The following TCP1 variants were observed in gnomAD, a reference collection of about 807,000 sequenced individuals.
TCP1 encodes the protein t-complex 1.
TCP1 carries 6 observed loss-of-function variants against 54.7 expected under a neutral mutation model. The observed-to-expected ratio is 0.11, with a 90% confidence interval of 0.06 to 0.22. The LOEUF is 0.22. TCP1 is among the 10% of genes least tolerant of loss of function. The pLI, the probability that TCP1 is intolerant of heterozygous loss-of-function variation, is 1.00. For synonymous variants in TCP1, 225 were observed against 229.7 expected, an observed-to-expected ratio of 0.98 and a Z score of 0.19; for missense variants, 511 against 678.2, an observed-to-expected ratio of 0.75 and a Z score of 2.74.
chr6:159,783,774 A>G (rs567225927), intron 7 of TCP1, among the ~76,000 whole-genome samples, 167 bp downstream of exon 7: 1 of 152,300 alleles, frequency 6.6e-6, no homozygotes, highest in East Asian at 1.9e-4. Context: ...ATACAATCAA[A>G]ATTCCACAAA....
intron 5 of TCP1, 66 bp from the exon 6 acceptor site, chr6:159,784,913 A>T: frequency 6.5e-7 from 1 of 1,531,142 alleles, no homozygotes; most frequent in South Asian, 1.1e-5. Flanking sequence ...TGAAAAATCA[A>T]GGGTAATTTC....
At chr6:159,789,290 C>G in intron 1 of TCP1, 115 bp downstream of exon 1, 1 of 1,251,020 alleles carries the variant, frequency 8.0e-7, no homozygotes, top group Non-Finnish European at 1.1e-6. Context: ...GCTGCGGGGC[C>G]CCGAGGCCCT....
chr6:159,788,307 G>A (rs1358427509), intron 1 of TCP1, 164 bp from the exon 2 acceptor site: 1 of 619,574 alleles, frequency 1.6e-6, no homozygotes, highest in Admixed American at 2.9e-5. Flanking sequence ...AGTGTAAATG[G>A]GGCCAGACAC....
intron 7 of TCP1, 73 bp downstream of exon 7, chr6:159,783,868 T>G (rs1780632316): frequency 1.3e-6 from 2 of 1,491,028 alleles, no homozygotes; most frequent in Non-Finnish European, 1.8e-6. Flanking sequence ...TAAAATAGTT[T>G]GACTTGGCTA....
chr6:159,781,599 C>T (rs1395794549), intron 7 of TCP1, among the ~76,000 whole-genome samples: 31 of 152,064 alleles, frequency 2.0e-4, no homozygotes, highest in African/African-American at 6.8e-4. Flanking sequence ...ACGGTGAAAC[C>T]GCCTCTACTA....
chr6:159,785,512 G>A lies in TCP1; in HGVS notation c.378-16C>T, dbSNP rs992616880. On this transcript the variant is annotated splice_polypyrimidine_tract_variant and intron_variant, in intron 4 of 11. Coordinates refer to ENST00000321394, the MANE Select transcript of TCP1 (RefSeq NM_030752.3). The stretch of plus-strand genomic sequence containing the variant: ...CACTGCTTCCCTGTTTAAAAGTGTG[G>A]GGGAGAAAAACGCTTATAAAGTCAC... 4 of 1,592,944 alleles carry A rather than the reference G, an allele frequency of 2.5e-6. No homozygotes were observed. The highest frequency in any genetic ancestry group is 2.7e-5 in the African/African-American group (2 of 74,546).
At position 159,778,576 on chromosome 6, in the gene TCP1, C is replaced by A; in HGVS notation, c.*469G>T. ...AGTTTGAAAGGGTAGCATGCTGATA[C>A]ATTAAGAGGAAAAAGACAAGTTTAA... On this transcript the variant is annotated 3_prime_UTR_variant, in exon 12 of 12. Transcript: ENST00000321394. 2 of 1,451,604 alleles carry A rather than the reference C, an allele frequency of 1.4e-6. No homozygotes were observed. Among genetic ancestry groups the A allele is most frequent in the Non-Finnish European group, 1.9e-6 (2 of 1,055,596 alleles). 89.9% of individuals were successfully genotyped at this position (1,451,604 alleles called of 1,614,324 possible). A position where few individuals can be genotyped will look rare whatever the true frequency, so the allele number is the denominator to read the frequency against.
intron 4 of TCP1, 185 bp from the exon 5 acceptor site, chr6:159,785,681 G>A (rs1167701896): frequency 2.5e-6 from 2 of 791,554 alleles, no homozygotes; most frequent in East Asian, 4.8e-5. Context: ...TATCCCATAA[G>A]CATAGCCACT....
intron 5 of TCP1, 180 bp from the exon 6 acceptor site, chr6:159,785,027 C>T (rs1780660062): frequency 1.5e-6 from 1 of 676,158 alleles, no homozygotes; most frequent in South Asian, 1.7e-5. Context: ...CACTTTTAGA[C>T]ATGCTTTTTA....
intron 7 of TCP1, among the ~76,000 whole-genome samples, chr6:159,782,129 G>A (rs905945531): frequency 4.6e-5 from 7 of 152,222 alleles, no homozygotes; most frequent in African/African-American, 1.4e-4. Flanking sequence ...GATTAAGTTT[G>A]AAGTCTCTGC....
At chr6:159,784,930 C>T in intron 5 of TCP1, 83 bp from the exon 6 acceptor site, 1 of 1,372,516 alleles carries the variant, frequency 7.3e-7, no homozygotes, top group Non-Finnish European at 1.0e-6. Flanking sequence ...TTTCAAGGGA[C>T]TTCCTTTTAG....
rs781650973 is a variant in TCP1 at position 159,778,995 on chromosome 6, G to A, written c.*50C>T. The A allele has an allele frequency of 6.9e-5, 109 of 1,581,788 alleles. No individual in the cohort carries two copies. The highest frequency in any genetic ancestry group is 9.0e-5 in the East Asian group (4 of 44,580). On this transcript the variant is annotated 3_prime_UTR_variant, in exon 12 of 12. Transcript: ENST00000321394. ...CTTTAATGTGTAATACTCAACTCAA[G>A]GTACAAGACAATTGCATTTAACATT...
chr6:159,789,566 G>A lies in TCP1; in HGVS notation c.-98C>T, dbSNP rs143492826. On this transcript the variant is annotated 5_prime_UTR_variant, in exon 1 of 12. Coordinates refer to ENST00000321394, the MANE Select transcript of TCP1 (RefSeq NM_030752.3). ...GGCGACCACAGCAGTGGCTGCGACG[G>A]CGTGGAGCGTACCCGAGCGATGTCC... 6.3e-3 allele frequency: 8,962 copies of A among 1,425,224 alleles called. 94 individuals carry two copies. Among genetic ancestry groups the A allele is most frequent in the Middle Eastern group, 0.05 (268 of 5,384 alleles). 88.3% of individuals were successfully genotyped at this position (1,425,224 alleles called of 1,614,324 possible).
chr6:159,780,251 A>G (rs779295303), intron 9 of TCP1, 164 bp from the exon 10 acceptor site: 4 of 1,208,636 alleles, frequency 3.3e-6, no homozygotes, highest in Non-Finnish European at 1.2e-6. Flanking sequence ...ATACAGAAAC[A>G]ATGTCTAGTC....
chr6:159,786,075 G>A (rs1453313469), intron 3 of TCP1, 78 bp from the exon 4 acceptor site: 6 of 1,171,752 alleles, frequency 5.1e-6, no homozygotes, highest in South Asian at 2.6e-5. Flanking sequence ...CACTAAAATG[G>A]CCATATATTA....
In TCP1 at chr6:159,779,082, T is replaced by C. The variant is rs780413126; in HGVS notation, c.1634A>G (p.Tyr545Cys). 6.2e-7 allele frequency: 1 copy of C among 1,614,118 alleles called. No individual in the cohort carries two copies. Among genetic ancestry groups the C allele is most frequent in the Non-Finnish European group, 8.5e-7 (1 of 1,179,966 alleles). ...PESKDDKHGS[Y>C]EDAVHSGALN... The stretch of plus-strand genomic sequence containing the variant: ...GGCTCCAGAGTGAACAGCATCTTCA[T>C]AACTTCCATGTTTATCATCTTTACT... Residue 545 changes from tyrosine to cysteine, a missense_variant, in exon 12 of 12, where the codon TAT becomes TGT. Around this residue, in one of 5 missense-constraint regions of TCP1, gnomAD observed 29 missense variants for 27.7 expected, o/e 1.05. Coordinates refer to ENST00000321394, the MANE Select transcript of TCP1 (RefSeq NM_030752.3).
At position 159,789,574 on chromosome 6, in the gene TCP1, C is replaced by G; in HGVS notation, c.-106G>C. Reference sequence around the variant, plus strand: ...CAGCAGTGGCTGCGACGGCGTGGAGCGTACCCGAGCGATGTCCCAGGAGCT... The same window carrying G: ...CAGCAGTGGCTGCGACGGCGTGGAGGGTACCCGAGCGATGTCCCAGGAGCT... On this transcript the variant is annotated 5_prime_UTR_variant, in exon 1 of 12. Coordinates refer to ENST00000321394, the MANE Select transcript of TCP1 (RefSeq NM_030752.3). The G allele has an allele frequency of 7.3e-7, 1 of 1,366,520 alleles. No homozygotes were observed. The highest frequency in any genetic ancestry group is 1.0e-6 in the Non-Finnish European group (1 of 976,604). 84.6% of individuals were successfully genotyped at this position (1,366,520 alleles called of 1,614,324 possible).
Position 159,779,410 on chromosome 6 carries a change from G to T in TCP1, c.1455-149C>A. The T allele has an allele frequency of 4.1e-6, 4 of 965,210 alleles. No individual in the cohort carries two copies. The East Asian group carries it at 7.7e-5, about 19-fold the overall frequency. 59.8% of individuals were successfully genotyped at this position (965,210 alleles called of 1,614,324 possible). On this transcript the variant is annotated intron_variant, in intron 11 of 11. Transcript: ENST00000321394. ...CTTTCTACCAAAAGAAGCAGGGAGAGATTAGCAATCACAGTTAACGAAGAC... is the reference window on the plus strand; with the variant it reads ...CTTTCTACCAAAAGAAGCAGGGAGATATTAGCAATCACAGTTAACGAAGAC...
Position 159,781,061 on chromosome 6 carries a change from C to T in TCP1, c.847G>A (p.Ala283Thr). 6.2e-7 allele frequency: 1 copy of T among 1,611,452 alleles called. No individual in the cohort carries two copies. The highest frequency in any genetic ancestry group is 8.5e-7 in the Non-Finnish European group (1 of 1,179,224). Residue 283 changes from alanine (A) to threonine (T), a missense_variant, in exon 8 of 12, where the codon GCC becomes ACC. Ala to Thr is a moderately conservative substitution (Grantham distance 58, BLOSUM62 0). Transcript: ENST00000321394. ...ERIQKILATG[A>T]NVILTTGGID... ...CCACCAGTGGTTAGAATAACATTGG[C>T]ACCAGTTGCCAGGATCTTCTGAATT...
Sources: gnomAD v4.1 joint callset for allele counts (sites outside exome capture counted in the v4.1 genomes callset) on GRCh38, gnomAD v4.1.1 for gene constraint, gnomAD v4.1.1 regional missense constraint, MANE v1.5 for transcripts, NCBI Gene and HGNC (gene_info 2026-07-23, HGNC 2026-07-21) for gene names.